ROBO2: variants seen among roughly 807,000 people sequenced by gnomAD.
The protein encoded by ROBO2 is roundabout homolog 2.
Under a neutral mutation model 160.8 loss-of-function variants are expected in ROBO2, and 53 were observed. The observed-to-expected ratio is 0.33, with a 90% CI of 0.26 to 0.41. ROBO2 has a LOEUF of 0.41. ROBO2 is among the 10% of genes least tolerant of loss of function. The probability of loss-of-function intolerance (pLI) is 1.00; values close to 1 mark genes in which losing one functional copy is unlikely to be tolerated. For synonymous variants in ROBO2, 664 were observed against 611.7 expected (o/e 1.09, Z -1.26); for missense variants, 1,577 against 1,722.4 (o/e 0.92, Z 1.49).
chr3:77,533,773 A>G (rs1213082070), intron 6 of ROBO2, among the ~76,000 whole-genome samples: 1 of 152,168 alleles, frequency 6.6e-6, no homozygotes, highest in African/African-American at 2.4e-5. Context: ...CTGATTAGTA[A>G]CCTTAAGTAT....
chr3:76,222,825 G>C (rs1045748978), intron 2 of ROBO2, among the ~76,000 whole-genome samples: 5 of 151,924 alleles, frequency 3.3e-5, no homozygotes, highest in African/African-American at 1.2e-4. Flanking sequence ...CATGATCTGG[G>C]CTCACTGCAA....
At chr3:77,113,572 C>G (rs2150201555) in intron 2 of ROBO2, among the ~76,000 whole-genome samples, 1 of 152,258 alleles carries the variant, frequency 6.6e-6, no homozygotes, top group East Asian at 1.9e-4. Context: ...GGCAATAACC[C>G]ATTATATGCT....
At chr3:76,241,212 G>C (rs1295149488) in intron 2 of ROBO2, among the ~76,000 whole-genome samples, 1 of 152,030 alleles carries the variant, frequency 6.6e-6, no homozygotes, top group South Asian at 2.1e-4. Context: ...CTTTAACTCT[G>C]TTATTGAATA....
intron 2 of ROBO2, among the ~76,000 whole-genome samples, chr3:77,211,880 G>C (rs2084221731): frequency 6.6e-6 from 1 of 152,158 alleles, no homozygotes; most frequent in African/African-American, 2.4e-5. Context: ...AGATCAGATA[G>C]TTGTAGATAT....
Position 77,479,328 on chromosome 3 carries a change from G to A in ROBO2, c.546+1757G>A, listed in dbSNP as rs144251568. ...GTTTCTTCTTTGGTGATTAATCTTT[G>A]CAGGTTACTGAGATTTCAGACAGGG... On this transcript the variant is annotated intron_variant, in intron 3 of 25. Coordinates refer to ENST00000461745, the Ensembl canonical transcript of ROBO2. Among the ~76,000 whole-genome samples, 1,082 of 152,270 alleles carry A rather than the reference G, an allele frequency of 7.1e-3. 8 individuals carry two copies. Among genetic ancestry groups the A allele is most frequent in the African/African-American group, 0.024 (997 of 41,560 alleles).
intron 2 of ROBO2, among the ~76,000 whole-genome samples, chr3:77,284,954 A>C (rs1329306445): frequency 6.6e-6 from 1 of 152,168 alleles, no homozygotes; most frequent in Non-Finnish European, 1.5e-5. Context: ...AAGAGGGCTC[A>C]AGATTAACGC....
intron 2 of ROBO2, among the ~76,000 whole-genome samples, chr3:76,567,810 T>A (rs865823412): frequency 0.12 from 10,876 of 92,122 alleles, 928 homozygotes; most frequent in East Asian, 0.21. Flanking sequence ...TATATATATT[T>A]TTTTTTTTTT....
intron 12 of ROBO2, 102 bp from the exon 14 acceptor site, chr3:77,568,211 C>T: frequency 2.2e-6 from 3 of 1,372,722 alleles, no homozygotes; most frequent in Middle Eastern, 2.4e-4. Flanking sequence ...GTTTTGTTTC[C>T]CTGTAATTAG....
chr3:76,424,596 T>A (rs946780671), intron 2 of ROBO2, among the ~76,000 whole-genome samples: 1 of 152,172 alleles, frequency 6.6e-6, no homozygotes, highest in Non-Finnish European at 1.5e-5. Flanking sequence ...ATAGGGCCTA[T>A]TAGCAACACT....
At chr3:76,662,870 G>A (rs1279135640) in intron 2 of ROBO2, among the ~76,000 whole-genome samples, 2 of 152,148 alleles carry the variant, frequency 1.3e-5, no homozygotes, top group Non-Finnish European at 2.9e-5. Context: ...AGTGAGAAAG[G>A]ACATGGAGTG....
At chr3:76,843,756 C>A (rs923805852) in intron 2 of ROBO2, among the ~76,000 whole-genome samples, 4 of 151,814 alleles carry the variant, frequency 2.6e-5, no homozygotes, top group Non-Finnish European at 4.4e-5. Context: ...TTTACAAGAT[C>A]CCCAGGTGAT....
intron 2 of ROBO2, among the ~76,000 whole-genome samples, chr3:76,211,352 T>G (rs368064328): frequency 9.1e-4 from 138 of 152,244 alleles, no homozygotes; most frequent in African/African-American, 3.2e-3. Flanking sequence ...ATTTAAGAAC[T>G]TGTTCAGCTA....
rs112963392 is a variant in ROBO2, at chr3:77,611,287, G to A, written c.3293+3333G>A. The stretch of plus-strand genomic sequence containing the variant: ...CACTCCAGCCTGGGCGACAGAGCGA[G>A]ACTCTGTCTCAAAAAAAAAAAAAAG... On this transcript the variant is annotated intron_variant, in intron 21 of 25. Transcript: ENST00000461745. Among the ~76,000 whole-genome samples the A allele has an allele frequency of 2.5e-3, 335 of 133,506 alleles. 2 individuals are homozygous for A. Among genetic ancestry groups the A allele is most frequent in the African/African-American group, 8.9e-3 (322 of 36,194 alleles). The allele number at this position is 133,506 out of a possible 152,430, so 87.6% of individuals were successfully genotyped here.
At chr3:77,394,715 C>G (rs7639860) in intron 2 of ROBO2, among the ~76,000 whole-genome samples, 79,780 of 151,884 alleles carry the variant, frequency 0.53, 21,170 homozygotes, top group Admixed American at 0.57. Context: ...GGAAAGATAA[C>G]CAAGAATGCC....
chr3:77,612,971 T>A lies in ROBO2; in HGVS notation c.3294-4542T>A, dbSNP rs918589761. 2.6e-5 allele frequency among the ~76,000 whole-genome samples: 4 copies of A among 151,908 alleles called. No homozygotes were observed. In the East Asian group the frequency reaches 7.8e-4, roughly 29 times the overall value. ...CCGTCTCAAAAAAAAAGAAAAAAAA[T>A]AGAAAAATTGGTGATAACATTAATT... On this transcript the variant is annotated intron_variant, in intron 21 of 25. Coordinates refer to ENST00000461745, the Ensembl canonical transcript of ROBO2.
intron 23 of ROBO2, among the ~76,000 whole-genome samples, chr3:77,623,652 G>A (rs75978751): frequency 9.8e-4 from 149 of 152,294 alleles, no homozygotes; most frequent in Middle Eastern, 3.4e-3. Context: ...AGATCCAACC[G>A]AAGGTGACAG....
At chr3:77,372,510 A>G (rs564073491) in intron 2 of ROBO2, among the ~76,000 whole-genome samples, 1 of 152,302 alleles carries the variant, frequency 6.6e-6, no homozygotes, top group Non-Finnish European at 1.5e-5. Context: ...GACAACAGAT[A>G]ATCATGTCAC....
At chr3:77,070,737 A>G (rs1229937936) in intron 1 of ROBO2, among the ~76,000 whole-genome samples, 1 of 152,106 alleles carries the variant, frequency 6.6e-6, no homozygotes, top group East Asian at 1.9e-4. Context: ...TCTAAATATA[A>G]AGAAAATTTC....
chr3:76,644,196 C>G (rs2090848318), intron 2 of ROBO2, among the ~76,000 whole-genome samples: 1 of 152,102 alleles, frequency 6.6e-6, no homozygotes, highest in Non-Finnish European at 1.5e-5. Flanking sequence ...TGCAGTAGCC[C>G]TGAGCACATT....
Sources: allele counts gnomAD v4.1 joint callset (sites outside exome capture counted in the v4.1 genomes callset), GRCh38; gene constraint gnomAD v4.1.1; transcripts MANE v1.5; gene names NCBI Gene and HGNC (gene_info 2026-07-23, HGNC 2026-07-21).